SRPX2: variants seen among roughly 807,000 people sequenced by gnomAD.
SRPX2 encodes the protein sushi repeat containing protein X-linked 2, also known as sushi repeat-containing protein SRPX2.
SRPX2 carries 26 observed loss-of-function variants against 45.3 expected under a neutral mutation model. That is an observed-to-expected ratio of 0.57 (90% CI 0.42 to 0.80). The LOEUF (loss-of-function observed/expected upper bound fraction) is 0.80. SRPX2 is among the 30% of genes least tolerant of loss of function. The probability of loss-of-function intolerance (pLI) is 0.00; values close to 1 mark genes in which losing one functional copy is unlikely to be tolerated. For missense variants in SRPX2, 355 were observed against 399.8 expected (o/e 0.89, Z 0.95); for synonymous variants, 125 against 143.7 (o/e 0.87, Z 0.93).
intron 7 of SRPX2, among the ~76,000 whole-genome samples, chrX:100,666,237 G>A (rs2083204181): frequency 8.9e-6 from 1 of 111,948 alleles, no homozygotes; most frequent in Non-Finnish European, 1.9e-5. Context: ...AGATTGTACT[G>A]TACATCCATA....
At chrX:100,665,403 C>T in intron 6 of SRPX2, 34 bp downstream of exon 6, 1 of 1,206,232 alleles carries the variant, frequency 8.3e-7, no homozygotes, top group Non-Finnish European at 1.1e-6. Flanking sequence ...CTTATGCCTT[C>T]CCTCGGCTTC....
intron 4 of SRPX2, among the ~76,000 whole-genome samples, chrX:100,664,184 G>A (rs779571767): frequency 3.7e-5 from 4 of 107,063 alleles, no homozygotes; most frequent in African/African-American, 1.3e-4. Context: ...GAGCTAGTAA[G>A]AGGTAGAACT....
intron 3 of SRPX2, among the ~76,000 whole-genome samples, chrX:100,656,121 A>G (rs2083168641): frequency 9.0e-6 from 1 of 110,509 alleles, no homozygotes; most frequent in Non-Finnish European, 1.9e-5. Flanking sequence ...TCGGCCTCCC[A>G]AAGTGCTGGG....
intron 4 of SRPX2, among the ~76,000 whole-genome samples, chrX:100,663,954 T>C (rs113964171): frequency 2.1e-3 from 239 of 112,117 alleles, no homozygotes; most frequent in Non-Finnish European, 3.5e-3. Context: ...CAAAATTATA[T>C]TGAGTATGCC....
chrX:100,670,152 T>G (rs913821301), intron 10 of SRPX2, among the ~76,000 whole-genome samples: 2 of 111,686 alleles, frequency 1.8e-5, no homozygotes, highest in South Asian at 7.6e-4. Flanking sequence ...TGACAGGTGA[T>G]GGAAGAAGTG....
intron 3 of SRPX2, 89 bp from the exon 4 acceptor site, chrX:100,662,086 AT>A: frequency 9.2e-6 from 9 of 975,792 alleles, no homozygotes; most frequent in Non-Finnish European, 8.7e-6. Context: ...TGGGCTCTCT[AT>A]TTTTTTCCAT....
intron 1 of SRPX2, among the ~76,000 whole-genome samples, chrX:100,645,242 C>T (rs944698598): frequency 2.7e-5 from 3 of 112,137 alleles, no homozygotes; most frequent in East Asian, 2.8e-4. Context: ...ATTGAAAGCC[C>T]GTGAGTGAAT....
At chrX:100,669,949 T>C (rs899978489) in intron 10 of SRPX2, among the ~76,000 whole-genome samples, 15 of 109,690 alleles carry the variant, frequency 1.4e-4, no homozygotes, top group Non-Finnish European at 2.5e-4. Flanking sequence ...ATTTTTGTAT[T>C]TTTAGTAGAG....
rs778904903 is a variant in SRPX2, at chrX:100,666,883, G to T, written c.911G>T (p.Arg304Leu). Reference sequence around the variant, plus strand: ...TATGATCGCCAGGGGACACCCTCCCGGGTCTGTCAGTCCAGCCGCCAGTGG... The same window carrying T: ...TATGATCGCCAGGGGACACCCTCCCTGGTCTGTCAGTCCAGCCGCCAGTGG... ...GGYDRQGTPS[R>L]VCQSSRQWSG... Residue 304 changes from arginine (R) to leucine (L), a missense_variant, in exon 8 of 11, where the codon CGG becomes CTG. By Grantham distance (102) the Arg-to-Leu change is moderately radical. Coordinates refer to ENST00000373004, the MANE Select transcript of SRPX2 (RefSeq NM_014467.3). 8.3e-7 allele frequency: 1 copy of T among 1,211,016 alleles called. No homozygotes were observed. The highest frequency in any genetic ancestry group is 1.1e-6 in the Non-Finnish European group (1 of 895,331).
At position 100,661,946 on chromosome X, in the gene SRPX2, T is replaced by G. The variant is rs1204053170; in HGVS notation, c.164-230T>G. On this transcript the variant is annotated intron_variant, in intron 3 of 10. Transcript: ENST00000373004. ...GGTCGAGGTGGGGTTTTTTTTTTTT[T>G]TTTTTTTTTTTTTGCATATGGAAGT... 6.9e-5 allele frequency among the ~76,000 whole-genome samples: 7 copies of G among 100,871 alleles called. 1 individual carries two copies. The highest frequency in any genetic ancestry group is 9.7e-4 in the South Asian group (2 of 2,058). The allele number at this position is 100,871 out of a possible 115,157, so 87.6% of individuals were successfully genotyped here. A position where few individuals can be genotyped will look rare whatever the true frequency, so the allele number is the denominator to read the frequency against.
intron 3 of SRPX2, among the ~76,000 whole-genome samples, chrX:100,655,080 G>A (rs186232851): frequency 2.6e-3 from 288 of 112,294 alleles, no homozygotes; most frequent in African/African-American, 8.9e-3. Context: ...ACAGAAAGCG[G>A]AGACAATGGG....
intron 4 of SRPX2, among the ~76,000 whole-genome samples, chrX:100,662,713 T>G (rs1030361755): frequency 2.7e-5 from 3 of 112,338 alleles, no homozygotes; most frequent in Non-Finnish European, 5.6e-5. Flanking sequence ...TCTTTTCCAC[T>G]TGTGGTCAAC....
At chrX:100,649,837 T>C (rs2083146893) in intron 2 of SRPX2, among the ~76,000 whole-genome samples, 1 of 112,103 alleles carries the variant, frequency 8.9e-6, no homozygotes, top group South Asian at 3.8e-4. Flanking sequence ...GGGAATTGTC[T>C]CTTGACTCCA....
chrX:100,672,162 G>A lies in SRPX2; in HGVS notation c.*1175G>A, dbSNP rs2147653473. On this transcript the variant is annotated 3_prime_UTR_variant, in exon 11 of 11. Transcript: ENST00000373004. The stretch of plus-strand genomic sequence containing the variant: ...TCAAGCCTTACCAGGCCTAAAATTC[G>A]AGGTGGAGCCACACACAGATCCCTG... 1 of 112,674 alleles carries A rather than the reference G, an allele frequency of 8.9e-6. No individual in the cohort carries two copies. Among genetic ancestry groups the A allele is most frequent in the East Asian group, 2.8e-4 (1 of 3,569 alleles). 9.3% of individuals were successfully genotyped at this position (112,674 alleles called of 1,213,427 possible).
intron 8 of SRPX2, 75 bp downstream of exon 8, chrX:100,667,008 G>C (rs1365774454): frequency 8.8e-7 from 1 of 1,135,737 alleles, no homozygotes; most frequent in East Asian, 3.1e-5. Flanking sequence ...TCATGGACAG[G>C]GGTCCAATAA....
intron 3 of SRPX2, among the ~76,000 whole-genome samples, chrX:100,658,155 C>T (rs1224828531): frequency 8.9e-6 from 1 of 111,927 alleles, no homozygotes; most frequent in Non-Finnish European, 1.9e-5. Flanking sequence ...TGTTTCCTGG[C>T]TTTTGAGGTC....
At chrX:100,658,604 T>C (rs944913844) in intron 3 of SRPX2, among the ~76,000 whole-genome samples, 1 of 112,196 alleles carries the variant, frequency 8.9e-6, no homozygotes, top group South Asian at 3.7e-4. Flanking sequence ...TCTTTTTTAG[T>C]TCCACATTAA....
chrX:100,645,180 A>G (rs912018633), intron 1 of SRPX2, among the ~76,000 whole-genome samples: 1 of 111,553 alleles, frequency 9.0e-6, no homozygotes, highest in Non-Finnish European at 1.9e-5. Context: ...AATCTACCAC[A>G]TTTTTGTTTC....
intron 2 of SRPX2, 46 bp from the exon 3 acceptor site, chrX:100,650,739 A>G (rs764820400): frequency 1.8e-6 from 2 of 1,130,775 alleles, no homozygotes; most frequent in Admixed American, 2.2e-5. Context: ...GAAGGAATTG[A>G]GTGAGAAATC....
Sources: gnomAD v4.1 joint callset for allele counts (sites outside exome capture counted in the v4.1 genomes callset) on GRCh38, gnomAD v4.1.1 for gene constraint, MANE v1.5 for transcripts, NCBI Gene and HGNC (gene_info 2026-07-23, HGNC 2026-07-21) for gene names.